NOTCH4: variants seen among roughly 807,000 people sequenced by gnomAD.
NOTCH4 encodes neurogenic locus notch homolog protein 4.
NOTCH4 carries 138 observed loss-of-function variants against 189.0 expected under a neutral mutation model. The ratio of observed to expected loss-of-function variants is 0.73; its 90% CI spans 0.64 to 0.84. The LOEUF (loss-of-function observed/expected upper bound fraction) is 0.84. NOTCH4 is among the 40% of genes least tolerant of loss of function. The pLI is 0.00. For synonymous variants in NOTCH4, 942 were observed against 1,032.8 expected (o/e 0.91, Z 1.69); for missense variants, 2,286 against 2,605.4 (o/e 0.88, Z 2.67).
At chr6:32,216,722 G>A (rs532648304) in intron 11 of NOTCH4, 141 of 621,316 alleles carry the variant, frequency 2.3e-4, no homozygotes, top group African/African-American at 1.9e-3. Flanking sequence ...CTCCCAAGCC[G>A]CAATCACACC....
At position 32,201,217 on chromosome 6, in the gene NOTCH4, C is replaced by T. The variant is rs934128089; in HGVS notation, c.4039G>A (p.Ala1347Thr). The change falls in exon 22 of 30, where the codon GCT becomes ACT. Residue 1347 changes from alanine (A) to threonine (T), a missense_variant. This residue lies in a region of NOTCH4 where 1,903 missense variants were observed against 2,261.9 expected (regional missense o/e 0.84). Coordinates refer to ENST00000375023, the MANE Select transcript of NOTCH4 (RefSeq NM_004557.4). The surrounding 1 kb of genome is among the most constrained non-coding windows in gnomAD (Gnocchi z 5.5). The part of the protein sequence containing the change: ...DMVYPYPGAR[A>T]EEKLGGTRDP... ...CGAGTTCCTCCTAGCTTTTCTTCAG[C>T]CCGGGCCCCAGGATAGGGGTACACC... The T allele has an allele frequency of 8.7e-6, 14 of 1,613,038 alleles. No individual in the cohort carries two copies. The East Asian group carries it at 2.9e-4, about 33-fold the overall frequency.
chr6:32,215,209 G>C lies in NOTCH4; in HGVS notation c.2021+17C>G. On this transcript the variant is annotated intron_variant, in intron 12 of 29. Transcript: ENST00000375023. ...CCCAAAGGAGGGGGCAGATGGGGAG[G>C]GTCTGGAAGATGTTACCTCTGGCAG... 6.3e-7 allele frequency: 1 copy of C among 1,578,700 alleles called. No individual in the cohort carries two copies. The highest frequency in any genetic ancestry group is 8.6e-7 in the Non-Finnish European group (1 of 1,164,318).
chr6:32,212,523 A>T lies in NOTCH4; in HGVS notation c.2631T>A (p.Pro877=), dbSNP rs775420805. 5.0e-6 allele frequency: 8 copies of T among 1,613,036 alleles called. No individual in the cohort carries two copies. The highest frequency in any genetic ancestry group is 5.9e-6 in the Non-Finnish European group (7 of 1,179,946). The change falls in exon 17 of 30, where the codon CCT becomes CCA. Residue 877 remains proline, a synonymous_variant. Coordinates refer to ENST00000375023, the MANE Select transcript of NOTCH4 (RefSeq NM_004557.4). This position sits in a 1 kb window ranked among gnomAD's most constrained non-coding sequence, Gnocchi z 4.4. ...AGGAGGACAGTGGAAGGTTGCAGAG[A>T]GGCCCGGTCCATCCCTGGAGGCACA... ...HCLCLQGWTG[P]LCNLPLSSCQ...
In NOTCH4 at chr6:32,201,181, A is replaced by G; in HGVS notation, c.4075T>C (p.Tyr1359His). The G allele has an allele frequency of 1.9e-6, 3 of 1,612,846 alleles. No individual in the cohort carries two copies. The highest frequency in any genetic ancestry group is 2.5e-6 in the Non-Finnish European group (3 of 1,179,944). Reference protein sequence around the residue: ...EKLGGTRDPTYQERAAPQTQP... With the variant: ...EKLGGTRDPTHQERAAPQTQP... ...GTTTGAGGGGCTGCTCTCTCCTGAT[A>G]GGTGGGGTCCCGAGTTCCTCCTAGC... is the stretch of plus-strand genomic sequence containing the variant. Residue 1359 changes from tyrosine (Y) to histidine (H), a missense_variant, in exon 22 of 30, where the codon TAT (tyrosine) becomes CAT (histidine). Around this residue, in one of 2 missense-constraint regions of NOTCH4, gnomAD observed 1,903 missense variants for 2,261.9 expected, o/e 0.84. Transcript: ENST00000375023. The surrounding 1 kb of genome is among the most constrained non-coding windows in gnomAD (Gnocchi z 5.5).
Position 32,204,318 on chromosome 6 carries a change from G to A in NOTCH4, c.2937C>T (p.Asn979=). Reference sequence around the variant, plus strand: ...CAGGTTTGGGAGTACAGGTTCCATGGTTGTGACAGGGTTGGGACTGACAAG... The same window carrying A: ...CAGGTTTGGGAGTACAGGTTCCATGATTGTGACAGGGTTGGGACTGACAAG... ...LDACQSQPCH[N]HGTCTPKPGG... is the part of the protein sequence containing the mutation. Residue 979 remains asparagine, a synonymous_variant, in exon 19 of 30, where the codon AAC becomes AAT. Transcript: ENST00000375023. 6.2e-7 allele frequency: 1 copy of A among 1,613,044 alleles called. No homozygotes were observed. Among genetic ancestry groups the A allele is most frequent in the Non-Finnish European group, 8.5e-7 (1 of 1,179,992 alleles).
chr6:32,218,219 G>A (rs1032187644), intron 8 of NOTCH4, 111 bp from the exon 9 acceptor site: 14 of 703,744 alleles, frequency 2.0e-5, no homozygotes, highest in Middle Eastern at 7.5e-4. Flanking sequence ...GTCCTCCCCC[G>A]AGGTGCTGTC....
rs1029316053 is a variant in NOTCH4, at chr6:32,219,608, G to A, written c.1494C>T (p.His498=). Residue 498 remains histidine (H), a synonymous_variant, in exon 8 of 30, where the codon CAC becomes CAT. Transcript: ENST00000375023. ...STCLDLLATF[H]CLCPPGLEGQ... ...AGCTGATACCTGGCGGGCAGAGGCA[G>A]TGGAAGGTGGCAAGTAGGTCCAGAC... 1 of 1,612,868 alleles carries A rather than the reference G, an allele frequency of 6.2e-7. No homozygotes were observed. Among genetic ancestry groups the A allele is most frequent in the Non-Finnish European group, 8.5e-7 (1 of 1,179,972 alleles).
chr6:32,200,718 A>G lies in NOTCH4; in HGVS notation c.4315+113T>C. The G allele has an allele frequency of 1.1e-6, 1 of 905,422 alleles. No homozygotes were observed. The highest frequency in any genetic ancestry group is 1.6e-6 in the Non-Finnish European group (1 of 620,964). 56.1% of individuals were successfully genotyped at this position (905,422 alleles called of 1,614,324 possible). ...GGGGTTAGGGAAAGTAAGTCCCCAC[A>G]AAGAACATTTTCAGTCTCAGCTGTC... On this transcript the variant is annotated intron_variant, in intron 23 of 29. Coordinates refer to ENST00000375023, the MANE Select transcript of NOTCH4 (RefSeq NM_004557.4). The surrounding 1 kb of genome is among the most constrained non-coding windows in gnomAD (Gnocchi z 5.0).
At position 32,201,852 on chromosome 6, in the gene NOTCH4, TAGAG is replaced by T. The variant is rs1353876001; in HGVS notation, c.3755+220_3755+223del. The T allele has an allele frequency of 9.4e-6, 4 of 426,568 alleles. No homozygotes were observed. Among genetic ancestry groups the T allele is most frequent in the African/African-American group, 6.1e-5 (3 of 49,170 alleles). 26.4% of individuals were successfully genotyped at this position (426,568 alleles called of 1,614,324 possible). A position where few individuals can be genotyped will look rare whatever the true frequency, so the allele number is the denominator to read the frequency against. ...TTGAGACCTGAGTTCCTTCAACTCT[TAGAG>T]AGGAGCCCAAAGGCCACGCCCCACA... On this transcript the variant is annotated intron_variant, in intron 21 of 29. Transcript: ENST00000375023. The surrounding 1 kb of genome is among the most constrained non-coding windows in gnomAD (Gnocchi z 5.5).
chr6:32,220,049 A>G, intron 7 of NOTCH4, 80 bp downstream of exon 7: 2 of 1,481,356 alleles, frequency 1.4e-6, no homozygotes, highest in South Asian at 2.4e-5. Context: ...TTTAATTGGA[A>G]AAGCAATCTG....
At position 32,217,372 on chromosome 6, in the gene NOTCH4, G is replaced by T; in HGVS notation, c.1625-106C>A. On this transcript the variant is annotated intron_variant, in intron 9 of 29. Transcript: ENST00000375023. The surrounding 1 kb of genome is among the most constrained non-coding windows in gnomAD (Gnocchi z 4.2). The stretch of plus-strand genomic sequence containing the variant: ...AGGTGAACTTGCAGAGCTTCCCAGA[G>T]AAGACACCTGGGGCAGGTGAGCGTG... 1.4e-6 allele frequency: 1 copy of T among 707,640 alleles called. No individual in the cohort carries two copies. 43.8% of individuals were successfully genotyped at this position (707,640 alleles called of 1,614,324 possible).
At position 32,215,379 on chromosome 6, in the gene NOTCH4, A is replaced by AGCTG; in HGVS notation, c.1864_1867dup (p.Leu623ProfsTer4). On this transcript the variant is annotated frameshift_variant, in exon 12 of 30. Transcript: ENST00000375023. LOFTEE classifies it high-confidence loss of function. ...GGGAGCACACAGGGGAACCTCACAG[A>AGCTG]GCTGGCCTGGGGTGGGAAGATGGGT... 2 of 1,609,078 alleles carry AGCTG rather than the reference A, an allele frequency of 1.2e-6. No individual in the cohort carries two copies. Among genetic ancestry groups the AGCTG allele is most frequent in the Non-Finnish European group, 8.5e-7 (1 of 1,178,638 alleles).
In NOTCH4 at chr6:32,219,500, C is replaced by T. The variant is rs568986490; in HGVS notation, c.1510+92G>A. The stretch of plus-strand genomic sequence containing the variant: ...ATCTGTGGTAACTTACGCCAATTGG[C>T]CTGAAGCTGTCCTTACTCTGGAGGG... On this transcript the variant is annotated intron_variant, in intron 8 of 29. Transcript: ENST00000375023. The T allele has an allele frequency of 1.0e-5, 12 of 1,196,872 alleles. No individual in the cohort carries two copies. In the South Asian group the frequency reaches 1.2e-4, roughly 12 times the overall value. The allele number at this position is 1,196,872 out of a possible 1,614,324, so 74.1% of individuals were successfully genotyped here. A position where few individuals can be genotyped will look rare whatever the true frequency, so the allele number is the denominator to read the frequency against.
chr6:32,221,456 T>A lies in NOTCH4; in HGVS notation c.452-131A>T. 2.9e-6 allele frequency: 2 copies of A among 689,368 alleles called. No individual in the cohort carries two copies. The highest frequency in any genetic ancestry group is 4.8e-6 in the Non-Finnish European group (2 of 412,850). The allele number at this position is 689,368 out of a possible 1,614,324, so 42.7% of individuals were successfully genotyped here. A position where few individuals can be genotyped will look rare whatever the true frequency, so the allele number is the denominator to read the frequency against. On this transcript the variant is annotated intron_variant, in intron 3 of 29. Coordinates refer to ENST00000375023, the MANE Select transcript of NOTCH4 (RefSeq NM_004557.4). The surrounding 1 kb of genome is among the most constrained non-coding windows in gnomAD (Gnocchi z 4.3). Reference sequence around the variant, plus strand: ...TTTCCTTCCCTTTATTACCATACTTTCTTTGCTCTGTTCCATCACCCCTGC... The same window carrying A: ...TTTCCTTCCCTTTATTACCATACTTACTTTGCTCTGTTCCATCACCCCTGC...
Position 32,221,163 on chromosome 6 carries a change from C to A in NOTCH4, c.614G>T (p.Cys205Phe). The change falls in exon 4 of 30, where the codon TGC becomes TTC. Residue 205 changes from cysteine (C) to phenylalanine (F), a missense_variant. Transcript: ENST00000375023. This position sits in a 1 kb window ranked among gnomAD's most constrained non-coding sequence, Gnocchi z 4.3. ...VNECFQDPGPCPKGTSCHNTL... is the reference protein window; with the variant it reads ...VNECFQDPGPFPKGTSCHNTL... ...GTTATGGCAGGAGGTGCCTTTGGGGCAGGGTCCTGGGTCCTGGAAGCACTC... is the reference window on the plus strand; with the variant it reads ...GTTATGGCAGGAGGTGCCTTTGGGGAAGGGTCCTGGGTCCTGGAAGCACTC... 1 of 1,613,084 alleles carries A rather than the reference C, an allele frequency of 6.2e-7. No homozygotes were observed. The highest frequency in any genetic ancestry group is 8.5e-7 in the Non-Finnish European group (1 of 1,180,030).
In NOTCH4 at chr6:32,197,560, A is replaced by C. The variant is rs774818546; in HGVS notation, c.4791T>G (p.Cys1597Trp). ...GGAAGGTCCCGGACTGTACTTCCCC[A>C]CAGCAAACTGCTGACATCAGGGGTG... The part of the protein sequence containing the change: ...GVTPLMSAVC[C>W]GEVQSGTFQG... Residue 1597 changes from cysteine to tryptophan, a missense_variant, in exon 27 of 30, where the codon TGT becomes TGG. Cys to Trp is a radical substitution (Grantham distance 215). Around this residue, in one of 2 missense-constraint regions of NOTCH4, gnomAD observed 1,903 missense variants for 2,261.9 expected, o/e 0.84. Coordinates refer to ENST00000375023, the MANE Select transcript of NOTCH4 (RefSeq NM_004557.4). 1.9e-6 allele frequency: 3 copies of C among 1,612,546 alleles called. No individual in the cohort carries two copies. The highest frequency in any genetic ancestry group is 2.5e-6 in the Non-Finnish European group (3 of 1,179,340).
chr6:32,200,847 G>A lies in NOTCH4; in HGVS notation c.4299C>T (p.His1433=), dbSNP rs1342301561. 4.4e-6 allele frequency: 7 copies of A among 1,607,136 alleles called. No homozygotes were observed. The highest frequency in any genetic ancestry group is 5.9e-6 in the Non-Finnish European group (7 of 1,177,382). ...GTCACCTACCGGTCCCTGCATGAGGGTGGACAGCCAGCAGTGGTCCAGGCA... is the reference window on the plus strand; with the variant it reads ...GTCACCTACCGGTCCCTGCATGAGGATGGACAGCCAGCAGTGGTCCAGGCA... The part of the protein sequence containing the change: ...PLLPGPLLAV[H]PHAGTAPPAN... Residue 1433 remains histidine, a synonymous_variant, in exon 23 of 30, where the codon CAC becomes CAT. Transcript: ENST00000375023. This position sits in a 1 kb window ranked among gnomAD's most constrained non-coding sequence, Gnocchi z 5.0.
chr6:32,215,124 T>G lies in NOTCH4; in HGVS notation c.2021+102A>C. On this transcript the variant is annotated intron_variant, in intron 12 of 29. Coordinates refer to ENST00000375023, the MANE Select transcript of NOTCH4 (RefSeq NM_004557.4). ...TTGCCATCTCCTTCCTTTTCCCCAT[T>G]GGTCATTTCTCACAGACCTACATCT... 6.3e-6 allele frequency: 7 copies of G among 1,105,362 alleles called. No homozygotes were observed. In the South Asian group the frequency reaches 1.2e-4, roughly 19 times the overall value. 68.5% of individuals were successfully genotyped at this position (1,105,362 alleles called of 1,614,324 possible). A position where few individuals can be genotyped will look rare whatever the true frequency, so the allele number is the denominator to read the frequency against.
In NOTCH4 at chr6:32,195,270, T is replaced by A. The variant is rs943916792; in HGVS notation, c.*167A>T. Reference sequence around the variant, plus strand: ...TAAACCCTCTTTCCAGAGCTGCAGCTTCTCCACGTGGAAGATGTCTGCTCT... The same window carrying A: ...TAAACCCTCTTTCCAGAGCTGCAGCATCTCCACGTGGAAGATGTCTGCTCT... On this transcript the variant is annotated 3_prime_UTR_variant, in exon 30 of 30. Transcript: ENST00000375023. This position sits in a 1 kb window ranked among gnomAD's most constrained non-coding sequence, Gnocchi z 5.4. 1 of 660,076 alleles carries A rather than the reference T, an allele frequency of 1.5e-6. No homozygotes were observed. The highest frequency in any genetic ancestry group is 2.5e-6 in the Non-Finnish European group (1 of 400,602). The allele number at this position is 660,076 out of a possible 1,614,324, so 40.9% of individuals were successfully genotyped here. A position where few individuals can be genotyped will look rare whatever the true frequency, so the allele number is the denominator to read the frequency against.
Sources: gnomAD v4.1 joint callset for allele counts on GRCh38, gnomAD v4.1.1 for gene constraint, gnomAD v4.1.1 regional missense constraint, Gnocchi (gnomAD v3.1) non-coding constraint, MANE v1.5 for transcripts, NCBI Gene and HGNC (gene_info 2026-07-23, HGNC 2026-07-21) for gene names.